Variants in NCALD observed in about 807,000 individuals in gnomAD.
The protein encoded by NCALD is neurocalcin-delta.
Under a neutral mutation model 18.6 loss-of-function variants are expected in NCALD, and 10 were observed. The ratio of observed to expected loss-of-function variants is 0.54; its 90% CI spans 0.33 to 0.91. The LOEUF is 0.91. Ranked by LOEUF, NCALD falls within the 40% of genes least tolerant of loss-of-function variation. The probability of loss-of-function intolerance (pLI) is 0.03; values close to 1 mark genes in which losing one functional copy is unlikely to be tolerated. For missense variants in NCALD, 184 were observed against 247.6 expected (o/e 0.74, Z 1.72); for synonymous variants, 88 against 87.4 (o/e 1.01, Z -0.04).
At chr8:102,007,858 T>A in intron 2 of NCALD, among the ~76,000 whole-genome samples, 1 of 152,166 alleles carries the variant, frequency 6.6e-6, no homozygotes, top group East Asian at 1.9e-4. Context: ...TTACTCATCA[T>A]TTTCATGGTG....
chr8:101,855,693 AG>A (rs1815287791), intron 4 of NCALD, among the ~76,000 whole-genome samples: 1 of 152,188 alleles, frequency 6.6e-6, no homozygotes, highest in Non-Finnish European at 1.5e-5. Flanking sequence ...GTAGAGTACA[AG>A]TGCATAGGTG....
chr8:101,886,333 C>G (rs1816673609), intron 4 of NCALD, among the ~76,000 whole-genome samples: 1 of 152,094 alleles, frequency 6.6e-6, no homozygotes, highest in Non-Finnish European at 1.5e-5. Context: ...TGCCCTGCCC[C>G]CATTTATTTT....
intron 4 of NCALD, among the ~76,000 whole-genome samples, chr8:101,841,943 G>A (rs566823532): frequency 6.6e-6 from 1 of 152,304 alleles, no homozygotes; most frequent in South Asian, 2.1e-4. Context: ...GGAGAAAGAA[G>A]TATATTTGCT....
At chr8:101,872,007 A>G in intron 4 of NCALD, 2 of 945,146 alleles carry the variant, frequency 2.1e-6, no homozygotes, top group East Asian at 2.4e-5. Context: ...CAAACACCAG[A>G]GGACCGATCA....
chr8:101,976,479 T>C (rs1382282872), intron 2 of NCALD, among the ~76,000 whole-genome samples: 2 of 152,218 alleles, frequency 1.3e-5, no homozygotes, highest in African/African-American at 2.4e-5. Context: ...TTATTTGACC[T>C]CAATTTACAC....
At chr8:101,786,579 T>C (rs1018942703) in intron 1 of NCALD, among the ~76,000 whole-genome samples, 7 of 152,178 alleles carry the variant, frequency 4.6e-5, no homozygotes, top group East Asian at 1.9e-4. Flanking sequence ...GCAGAGCAGA[T>C]AGCCAAAGAA....
At chr8:101,969,922 AGT>A (rs146395849) in intron 2 of NCALD, among the ~76,000 whole-genome samples, 2,341 of 151,808 alleles carry the variant, frequency 0.015, 46 homozygotes, top group African/African-American at 0.048. Flanking sequence ...AATAAATCTA[AGT>A]GTGTGTGTGT....
chr8:101,898,926 A>AT, intron 3 of NCALD, among the ~76,000 whole-genome samples: 1 of 152,188 alleles, frequency 6.6e-6, no homozygotes, highest in Non-Finnish European at 1.5e-5. Context: ...TCTTGTTGGA[A>AT]TTTTTATAAG....
At chr8:101,809,821 A>G (rs988663965) in intron 4 of NCALD, among the ~76,000 whole-genome samples, 1 of 152,230 alleles carries the variant, frequency 6.6e-6, no homozygotes, top group African/African-American at 2.4e-5. Flanking sequence ...CTGGGATTAC[A>G]GGTGTGAACC....
At chr8:102,020,603 G>A (rs76163005) in intron 1 of NCALD, among the ~76,000 whole-genome samples, 1 of 152,180 alleles carries the variant, frequency 6.6e-6, no homozygotes, top group Non-Finnish European at 1.5e-5. Context: ...CACTAATCAA[G>A]TGAGTATGAC....
At chr8:101,719,779 G>A in intron 1 of NCALD, 131 bp from the exon 2 acceptor site, 1 of 825,812 alleles carries the variant, frequency 1.2e-6, no homozygotes, top group Non-Finnish European at 1.8e-6. Context: ...CAGTAACACT[G>A]TCTAGGTTTT....
chr8:101,888,729 T>C (rs1023937315), intron 3 of NCALD, among the ~76,000 whole-genome samples: 9 of 152,166 alleles, frequency 5.9e-5, no homozygotes, highest in African/African-American at 2.2e-4. Context: ...AACTTTCTAT[T>C]AACATTGGAT....
At chr8:101,960,398 T>C (rs1204179049) in intron 2 of NCALD, among the ~76,000 whole-genome samples, 1 of 152,164 alleles carries the variant, frequency 6.6e-6, no homozygotes, top group African/African-American at 2.4e-5. Context: ...AACCCATTTT[T>C]CAGGAAAAAA....
At chr8:102,064,352 G>A (rs1360850761) in intron 1 of NCALD, among the ~76,000 whole-genome samples, 1 of 152,146 alleles carries the variant, frequency 6.6e-6, no homozygotes, top group African/African-American at 2.4e-5. Flanking sequence ...ATGCTTGTAC[G>A]AGTCAGGTAC....
intron 1 of NCALD, among the ~76,000 whole-genome samples, chr8:101,727,316 ACCT>A (rs1166653587): frequency 8.5e-5 from 13 of 152,072 alleles, no homozygotes; most frequent in African/African-American, 2.9e-4. Flanking sequence ...CATTGTCAGC[ACCT>A]CAATACAAAC....
intron 1 of NCALD, among the ~76,000 whole-genome samples, chr8:102,114,888 C>T (rs1462392943): frequency 6.6e-6 from 1 of 152,218 alleles, no homozygotes; most frequent in South Asian, 2.1e-4. Context: ...TGTGCTCCAA[C>T]CAAGGCAGAG....
intron 3 of NCALD, among the ~76,000 whole-genome samples, chr8:101,894,484 C>G (rs1454725351): frequency 7.0e-6 from 1 of 143,556 alleles, no homozygotes. Flanking sequence ...CATTCAAAAG[C>G]TAGCAGAAGG....
At chr8:101,930,690 A>C (rs1818541630) in intron 2 of NCALD, among the ~76,000 whole-genome samples, 1 of 152,168 alleles carries the variant, frequency 6.6e-6, no homozygotes, top group South Asian at 2.1e-4. Context: ...AAACTGCAGC[A>C]GAATGAGTAA....
chr8:102,083,094 A>G (rs1824605597), intron 1 of NCALD, among the ~76,000 whole-genome samples: 1 of 152,258 alleles, frequency 6.6e-6, no homozygotes, highest in Non-Finnish European at 1.5e-5. Flanking sequence ...GAAAATAACT[A>G]CAGGAGGCAA....
Sources: gnomAD v4.1 joint callset for allele counts (sites outside exome capture counted in the v4.1 genomes callset) on GRCh38, gnomAD v4.1.1 for gene constraint, MANE v1.5 for transcripts, NCBI Gene and HGNC (gene_info 2026-07-23, HGNC 2026-07-21) for gene names.